The following KIAA0930 variants were observed in gnomAD, a reference collection of about 807,000 sequenced individuals.
KIAA0930 encodes KIAA0930, also known as uncharacterized protein KIAA0930.
A neutral mutation model predicts 43.9 loss-of-function variants in KIAA0930; 24 were observed. The ratio of observed to expected loss-of-function variants is 0.55; its 90% CI spans 0.40 to 0.77. The LOEUF (loss-of-function observed/expected upper bound fraction) is 0.77. Among genes scored for constraint, KIAA0930 ranks in the 30% least tolerant of loss-of-function variants. KIAA0930 has a pLI of 0.00. For synonymous variants in KIAA0930, 259 were observed against 216.4 expected (o/e 1.20, Z -1.73); for missense variants, 461 against 574.2 (o/e 0.80, Z 2.02).
In KIAA0930 at chr22:45,200,030, G is replaced by C. The variant is rs763281672; in HGVS notation, c.858C>G (p.Thr286=). ...SPASPMHERV[T]SFSTPPTPER... ...CTGGGGTGGGGGGTGTGCTGAAGGA[G>C]GTCACCTGGGAACAAGCAGCCAAAG... is the stretch of plus-strand genomic sequence containing the variant. Residue 286 remains threonine (T), a synonymous_variant, in exon 8 of 10, where the codon ACC becomes ACG. Transcript: ENST00000336156. 6.3e-7 allele frequency: 1 copy of C among 1,588,548 alleles called. No homozygotes were observed. Among genetic ancestry groups the C allele is most frequent in the Admixed American group, 1.8e-5 (1 of 56,274 alleles).
chr22:45,214,383 A>G (rs1389795425), intron 1 of KIAA0930, among the ~76,000 whole-genome samples: 1 of 151,912 alleles, frequency 6.6e-6, no homozygotes, highest in Non-Finnish European at 1.5e-5. Flanking sequence ...GAATGCACAC[A>G]TGTCACAATA....
intron 1 of KIAA0930, among the ~76,000 whole-genome samples, chr22:45,216,538 G>C (rs1464041023): frequency 6.6e-6 from 1 of 152,064 alleles, no homozygotes; most frequent in Non-Finnish European, 1.5e-5. Flanking sequence ...GCAGCAACTG[G>C]CTGTGAATAA....
intron 1 of KIAA0930, chr22:45,213,570 G>C: frequency 9.9e-7 from 1 of 1,008,746 alleles, no homozygotes; most frequent in Non-Finnish European, 1.3e-6. Flanking sequence ...CCCAAGTCAC[G>C]CTACTACAGA....
chr22:45,226,035 G>A (rs958045930), intron 1 of KIAA0930: 5 of 272,958 alleles, frequency 1.8e-5, no homozygotes, highest in Admixed American at 8.4e-5. Context: ...CAGGGCGTCC[G>A]GGGCCCAGCG....
At chr22:45,208,795 G>A (rs1265724117) in intron 2 of KIAA0930, among the ~76,000 whole-genome samples, 3 of 152,238 alleles carry the variant, frequency 2.0e-5, no homozygotes, top group Non-Finnish European at 4.4e-5. Flanking sequence ...CTTCGCCGCT[G>A]GCAAACTGTG....
intron 3 of KIAA0930, 23 bp downstream of exon 3, chr22:45,205,770 G>GGGGGCCCC: frequency 2.8e-5 from 43 of 1,523,660 alleles, no homozygotes; most frequent in Non-Finnish European, 3.7e-5. Context: ...CCAATCCGCA[G>GGGGGCCCC]CCCCACCCAT....
At chr22:45,226,183 T>C (rs755003573) in intron 1 of KIAA0930, 17 of 455,606 alleles carry the variant, frequency 3.7e-5, no homozygotes, top group Admixed American at 2.2e-4. Context: ...ACTTTATTCA[T>C]GGGCCTGTCT....
rs73434134 is a variant in KIAA0930 at position 45,197,884 on chromosome 22, G to T, written c.1080C>A (p.Val360=). The T allele has an allele frequency of 6.2e-7, 1 of 1,614,136 alleles. No individual in the cohort carries two copies. The highest frequency in any genetic ancestry group is 8.5e-7 in the Non-Finnish European group (1 of 1,179,992). Reference sequence around the variant, plus strand: ...CTCTGTTCAGCTTCAGCCAGGACCCGACCAGGGACCGTCCTGTGCCCGACA... The same window carrying T: ...CTCTGTTCAGCTTCAGCCAGGACCCTACCAGGGACCGTCCTGTGCCCGACA... ...RSLSGTGRSL[V]GSWLKLNRAD... Residue 360 remains valine (V), a synonymous_variant, in exon 9 of 10, where the codon GTC becomes GTA. Transcript: ENST00000336156.
intron 1 of KIAA0930, among the ~76,000 whole-genome samples, chr22:45,229,263 T>C (rs867980672): frequency 3.5e-4 from 11 of 31,050 alleles, no homozygotes; most frequent in Non-Finnish European, 5.2e-4. Flanking sequence ...ACCACTCACT[T>C]GAGAGATCCC....
chr22:45,224,281 GGTGCA>G (rs2147758477), intron 1 of KIAA0930, among the ~76,000 whole-genome samples: 1 of 152,262 alleles, frequency 6.6e-6, no homozygotes, highest in South Asian at 2.1e-4. Context: ...GGTTAAGAGT[GGTGCA>G]GTGCACAGAT....
chr22:45,197,993 C>G, intron 8 of KIAA0930, 45 bp from the exon 9 acceptor site: 2 of 1,602,074 alleles, frequency 1.2e-6, no homozygotes, highest in Non-Finnish European at 8.5e-7. Flanking sequence ...GCATGGGACG[C>G]GGCGGGAGCA....
intron 2 of KIAA0930, among the ~76,000 whole-genome samples, chr22:45,208,089 C>A (rs919056913): frequency 4.6e-5 from 7 of 152,246 alleles, no homozygotes; most frequent in Admixed American, 1.3e-4. Context: ...TGTCCGTGTG[C>A]GCACCAAAGC....
chr22:45,197,778 C>G lies in KIAA0930; in HGVS notation c.1174+12G>C. 1 of 1,613,574 alleles carries G rather than the reference C, an allele frequency of 6.2e-7. No individual in the cohort carries two copies. Among genetic ancestry groups the G allele is most frequent in the Non-Finnish European group, 8.5e-7 (1 of 1,179,542 alleles). ...GAAGGTGCGGCTGCTTCCCCACATCCGCCAGCATTACCTGTTAAAATCCGA... is the reference window on the plus strand; with the variant it reads ...GAAGGTGCGGCTGCTTCCCCACATCGGCCAGCATTACCTGTTAAAATCCGA... On this transcript the variant is annotated intron_variant, in intron 9 of 9. Transcript: ENST00000336156.
At chr22:45,216,093 GAGGA>G (rs1391858665) in intron 1 of KIAA0930, among the ~76,000 whole-genome samples, 1 of 152,194 alleles carries the variant, frequency 6.6e-6, no homozygotes, top group Non-Finnish European at 1.5e-5. Flanking sequence ...TCTTCAGAGG[GAGGA>G]AGGGAGGCAA....
chr22:45,213,868 G>A (rs1018345333), intron 1 of KIAA0930, among the ~76,000 whole-genome samples: 4 of 152,156 alleles, frequency 2.6e-5, no homozygotes, highest in Non-Finnish European at 4.4e-5. Context: ...AAATTAGCCA[G>A]GCATGGTGGC....
chr22:45,240,748 C>A lies in KIAA0930; in HGVS notation c.-45G>T. 1 of 853,604 alleles carries A rather than the reference C, an allele frequency of 1.2e-6. No individual in the cohort carries two copies. Among genetic ancestry groups the A allele is most frequent in the South Asian group, 6.4e-5 (1 of 15,634 alleles). 52.9% of individuals were successfully genotyped at this position (853,604 alleles called of 1,614,324 possible). A position where few individuals can be genotyped will look rare whatever the true frequency, so the allele number is the denominator to read the frequency against. On this transcript the variant is annotated 5_prime_UTR_variant, in exon 1 of 10. Transcript: ENST00000336156. ...TCGGCCTCGGCGCCGCCCGCAGGCT[C>A]GGGGGCGGCGGCGGCGGGGAGGGCG...
chr22:45,228,858 C>A (rs1324560520), intron 1 of KIAA0930, among the ~76,000 whole-genome samples: 1 of 102,036 alleles, frequency 9.8e-6, no homozygotes, highest in Non-Finnish European at 2.0e-5. Context: ...CTCTTCACCC[C>A]CCAACCACCA....
intron 7 of KIAA0930, chr22:45,200,998 G>A (rs779104734): frequency 1.9e-6 from 1 of 531,816 alleles, no homozygotes; most frequent in Non-Finnish European, 3.9e-6. Flanking sequence ...GAGGGAACTT[G>A]GCCCATCTCC....
intron 7 of KIAA0930, among the ~76,000 whole-genome samples, chr22:45,200,661 C>T (rs2083579839): frequency 6.6e-6 from 1 of 152,234 alleles, no homozygotes; most frequent in African/African-American, 2.4e-5. Context: ...CTTCTAATCA[C>T]GTTTGGTTCT....
Sources: gnomAD v4.1 joint callset for allele counts (sites outside exome capture counted in the v4.1 genomes callset) on GRCh38, gnomAD v4.1.1 for gene constraint, MANE v1.5 for transcripts, NCBI Gene and HGNC (gene_info 2026-07-23, HGNC 2026-07-21) for gene names.